Variants in GRHL2 observed in about 807,000 individuals in gnomAD.
GRHL2 encodes the protein grainyhead like transcription factor 2, also known as grainyhead-like protein 2 homolog.
Under a neutral mutation model 83.8 loss-of-function variants are expected in GRHL2, and 21 were observed. The observed-to-expected ratio is 0.25, with a 90% CI of 0.18 to 0.36. The LOEUF is 0.36. Ranked by LOEUF, GRHL2 falls within the 10% of genes least tolerant of loss-of-function variation. GRHL2 has a pLI of 1.00. For synonymous variants in GRHL2, 280 were observed against 278.9 expected (o/e 1.00, Z -0.04); for missense variants, 623 against 781.8 (o/e 0.80, Z 2.42).
At chr8:101,611,296 C>A (rs752816557) in intron 8 of GRHL2, among the ~76,000 whole-genome samples, 2 of 150,996 alleles carry the variant, frequency 1.3e-5, no homozygotes, top group Non-Finnish European at 2.9e-5. Flanking sequence ...CATCTTCTCA[C>A]CCACCACCTT....
At chr8:101,522,276 A>C (rs921842688) in intron 1 of GRHL2, among the ~76,000 whole-genome samples, 2 of 152,148 alleles carry the variant, frequency 1.3e-5, no homozygotes, top group African/African-American at 2.4e-5. Flanking sequence ...GTCAGAAAAA[A>C]AATAATAACA....
intron 1 of GRHL2, among the ~76,000 whole-genome samples, chr8:101,527,465 CA>C (rs1810831881): frequency 6.6e-6 from 1 of 152,290 alleles, no homozygotes; most frequent in East Asian, 1.9e-4. Context: ...CCTCCCAAAG[CA>C]CTGGAATTAT....
chr8:101,663,045 G>A (rs982190937), intron 14 of GRHL2, among the ~76,000 whole-genome samples: 5 of 152,058 alleles, frequency 3.3e-5, no homozygotes, highest in African/African-American at 1.2e-4. Context: ...TGTGTTTAAC[G>A]GATGTTTGTT....
At chr8:101,631,489 C>T in intron 9 of GRHL2, 148 bp from the exon 10 acceptor site, 1 of 710,980 alleles carries the variant, frequency 1.4e-6, no homozygotes, top group Non-Finnish European at 2.5e-6. Context: ...CAGAGCCAAA[C>T]CCAACCTTGC....
chr8:101,544,658 G>T (rs1387624950), intron 2 of GRHL2, among the ~76,000 whole-genome samples: 1 of 152,130 alleles, frequency 6.6e-6, no homozygotes, highest in Admixed American at 6.5e-5. Context: ...TTTGCTGGTT[G>T]GGCACAATGA....
chr8:101,535,712 G>T (rs528886702), intron 1 of GRHL2, among the ~76,000 whole-genome samples: 3 of 151,858 alleles, frequency 2.0e-5, no homozygotes, highest in African/African-American at 7.3e-5. Flanking sequence ...CTAATTTTTT[G>T]TATTTTTAGT....
Position 101,573,758 on chromosome 8 carries a change from C to G in GRHL2, c.825C>G (p.Phe275Leu). ...TGACCTACCTCAACAAAGGACAGTT[C>G]TATGCCATAACACTCAGCGAGACCG... ...GPMTYLNKGQ[F>L]YAITLSETGD... The change falls in exon 6 of 16, where the codon TTC becomes TTG. Residue 275 changes from phenylalanine (F) to leucine (L), a missense_variant. Phe to Leu is a conservative substitution (Grantham distance 22). Around this residue, in one of 8 missense-constraint regions of GRHL2, gnomAD observed 96 missense variants for 144.8 expected, o/e 0.66. Transcript: ENST00000646743. 1 of 1,614,184 alleles carries G rather than the reference C, an allele frequency of 6.2e-7. No individual in the cohort carries two copies. The highest frequency in any genetic ancestry group is 8.5e-7 in the Non-Finnish European group (1 of 1,180,024).
chr8:101,566,191 C>T (rs1206110465), intron 4 of GRHL2, among the ~76,000 whole-genome samples: 1 of 152,182 alleles, frequency 6.6e-6, no homozygotes, highest in Non-Finnish European at 1.5e-5. Flanking sequence ...ATTTCTGTCA[C>T]TTTGTTAATG....
At chr8:101,608,332 A>G (rs1812671362) in intron 8 of GRHL2, among the ~76,000 whole-genome samples, 1 of 151,802 alleles carries the variant, frequency 6.6e-6, no homozygotes, top group Non-Finnish European at 1.5e-5. Context: ...GGAAAGACCT[A>G]GTAGTAATAT....
At chr8:101,678,089 C>A in the GRHL2 span, among the ~76,000 whole-genome samples, 11 of 152,106 alleles carry the variant, frequency 7.2e-5, no homozygotes, top group South Asian at 2.1e-4. Context: ...GAAGGAGGTC[C>A]GGAATAGGAA....
At chr8:101,670,565 CTTG>C (rs907946318), downstream of GRHL2, among the ~76,000 whole-genome samples, 1 of 152,190 alleles carries the variant, frequency 6.6e-6, no homozygotes, top group African/African-American at 2.4e-5. Context: ...GGCTCCAAGG[CTTG>C]TTGTCATGAC....
At chr8:101,538,753 A>G (rs1454214072) in intron 1 of GRHL2, among the ~76,000 whole-genome samples, 3 of 152,216 alleles carry the variant, frequency 2.0e-5, no homozygotes, top group Admixed American at 1.3e-4. Context: ...TCAGTGTACC[A>G]GAGAGATTAT....
At chr8:101,626,294 C>G (rs1813078083) in intron 9 of GRHL2, among the ~76,000 whole-genome samples, 1 of 152,056 alleles carries the variant, frequency 6.6e-6, no homozygotes, top group Non-Finnish European at 1.5e-5. Context: ...TAATTAATCT[C>G]ACACCTGTGA....
intron 14 of GRHL2, among the ~76,000 whole-genome samples, chr8:101,654,970 G>A (rs4734568): frequency 0.38 from 57,920 of 151,906 alleles, 12,946 homozygotes; most frequent in African/African-American, 0.62. Flanking sequence ...ATCACCTGAG[G>A]TCGGGAGTTC....
intron 6 of GRHL2, among the ~76,000 whole-genome samples, chr8:101,575,884 T>C (rs1011448302): frequency 4.6e-5 from 7 of 152,254 alleles, no homozygotes; most frequent in African/African-American, 1.2e-4. Flanking sequence ...TTTGTTGTCA[T>C]GTATCCAGTG....
intron 11 of GRHL2, among the ~76,000 whole-genome samples, chr8:101,635,861 G>A (rs1053557235): frequency 2.0e-5 from 3 of 152,204 alleles, no homozygotes; most frequent in African/African-American, 7.2e-5. Flanking sequence ...AACCAGTCTT[G>A]TTTTGTAACT....
intron 1 of GRHL2, among the ~76,000 whole-genome samples, chr8:101,499,729 G>A (rs1367323423): frequency 1.3e-5 from 2 of 152,102 alleles, no homozygotes; most frequent in East Asian, 3.8e-4. Context: ...ATTCACTAGG[G>A]TACTGATACT....
At chr8:101,589,279 C>A (rs1419816559) in intron 7 of GRHL2, among the ~76,000 whole-genome samples, 2 of 152,118 alleles carry the variant, frequency 1.3e-5, no homozygotes, top group East Asian at 3.8e-4. Context: ...TGGACAGAGA[C>A]AAAATGGTTA....
intron 7 of GRHL2, among the ~76,000 whole-genome samples, chr8:101,592,535 A>G (rs996640525): frequency 6.6e-6 from 1 of 152,248 alleles, no homozygotes; most frequent in Non-Finnish European, 1.5e-5. Flanking sequence ...TCCCCAGACC[A>G]GCCACATCAG....
Sources: allele counts gnomAD v4.1 joint callset (sites outside exome capture counted in the v4.1 genomes callset), GRCh38; gene constraint gnomAD v4.1.1; regional missense constraint gnomAD v4.1.1; transcripts MANE v1.5; gene names NCBI Gene and HGNC (gene_info 2026-07-23, HGNC 2026-07-21).